The following AP1B1 variants were observed in gnomAD, a reference collection of about 807,000 sequenced individuals.
The protein encoded by AP1B1 is AP-1 complex subunit beta-1.
A neutral mutation model predicts 104.3 loss-of-function variants in AP1B1; 36 were observed. The ratio of observed to expected loss-of-function variants is 0.35; its 90% CI spans 0.26 to 0.46. AP1B1 has a LOEUF of 0.46. AP1B1 is among the 20% of genes least tolerant of loss of function. AP1B1 has a pLI of 1.00. For missense variants in AP1B1, 901 were observed against 1,247.9 expected (o/e 0.72, Z 4.19); for synonymous variants, 504 against 517.5 (o/e 0.97, Z 0.35).
At chr22:29,344,888 A>G (rs1448936907) in intron 11 of AP1B1, among the ~76,000 whole-genome samples, 2 of 152,072 alleles carry the variant, frequency 1.3e-5, no homozygotes, top group African/African-American at 4.8e-5. Flanking sequence ...TCAACAAGAC[A>G]ATATAAAATG....
Position 29,328,829 on chromosome 22 carries a change from T to C in AP1B1, c.2842A>G (p.Lys948Glu). 6.2e-7 allele frequency: 1 copy of C among 1,606,812 alleles called. No individual in the cohort carries two copies. The highest frequency in any genetic ancestry group is 8.5e-7 in the Non-Finnish European group (1 of 1,178,404). The stretch of plus-strand genomic sequence containing the variant: ...GGGCGCTGGCCGGGGTCTCAGTTCT[T>C]GAGGATGGTCTCGTAGGCCTGGTAC... ...HVYQAYETIL[K>E]N Residue 948 changes from lysine (K) to glutamate (E), a missense_variant, in exon 23 of 23, where the codon AAG becomes GAG. This residue lies in a region of AP1B1 where 424 missense variants were observed against 494.0 expected (regional missense o/e 0.86). Transcript: ENST00000357586. This position sits in a 1 kb window ranked among gnomAD's most constrained non-coding sequence, Gnocchi z 4.1.
At chr22:29,368,250 A>T (rs2062175034) in intron 1 of AP1B1, among the ~76,000 whole-genome samples, 1 of 152,042 alleles carries the variant, frequency 6.6e-6, no homozygotes, top group East Asian at 1.9e-4. Flanking sequence ...GTAAGCTGAG[A>T]CCACACCACT....
chr22:29,358,950 G>A lies in AP1B1; in HGVS notation c.301C>T (p.Leu101Phe). 1 of 1,611,076 alleles carries A rather than the reference G, an allele frequency of 6.2e-7. No homozygotes were observed. Among genetic ancestry groups the A allele is most frequent in the Non-Finnish European group, 8.5e-7 (1 of 1,179,088 alleles). The change falls in exon 5 of 23, where the codon CTC (leucine) becomes TTC (phenylalanine). Residue 101 changes from leucine to phenylalanine, a missense_variant. Physicochemically the swap from Leu to Phe is conservative, Grantham distance 22 (BLOSUM62 0). This residue lies in a region of AP1B1 where 471 missense variants were observed against 696.7 expected (regional missense o/e 0.68). Transcript: ENST00000357586. The stretch of plus-strand genomic sequence containing the variant: ...GTCCGCACTGCCAGGGCTCGGATGA[G>A]GGGGTTGGGGTCCTCACAGTCCTGG... ...FVKDCEDPNP[L>F]IRALAVRTMG...
chr22:29,368,158 C>A (rs1486992322), intron 1 of AP1B1, among the ~76,000 whole-genome samples: 2 of 152,072 alleles, frequency 1.3e-5, no homozygotes. Context: ...ATTAGCCAGG[C>A]GTGGTAGTGT....
At chr22:29,372,080 G>A (rs1347497885) in intron 1 of AP1B1, among the ~76,000 whole-genome samples, 1 of 152,126 alleles carries the variant, frequency 6.6e-6, no homozygotes, top group Non-Finnish European at 1.5e-5. Flanking sequence ...TGACTTTGAT[G>A]TCACATCCCA....
At chr22:29,332,113 AAG>A (rs2061570862) in intron 17 of AP1B1, 197 bp from the exon 18 acceptor site, 1 of 550,416 alleles carries the variant, frequency 1.8e-6, no homozygotes, top group East Asian at 3.1e-5. Context: ...GACAGAAAGA[AAG>A]AGCCCCAGGC....
Position 29,349,296 on chromosome 22 carries a change from G to A in AP1B1, c.1359C>T (p.Gly453=), listed in dbSNP as rs201186929. 124 of 1,613,908 alleles carry A rather than the reference G, an allele frequency of 7.7e-5. No individual in the cohort carries two copies. Among genetic ancestry groups the A allele is most frequent in the Admixed American group, 1.2e-4 (7 of 60,006 alleles). The part of the protein sequence containing the change: ...EARAAMIWIV[G]EYAERIDNAD... The stretch of plus-strand genomic sequence containing the variant: ...CGTTGTCGATCCGTTCCGCGTACTC[G>A]CCCACAATCCAGATCATGGCAGCCC... The change falls in exon 11 of 23, where the codon GGC becomes GGT. Residue 453 remains glycine, a synonymous_variant. Coordinates refer to ENST00000357586, the MANE Select transcript of AP1B1 (RefSeq NM_001127.4).
intron 3 of AP1B1, among the ~76,000 whole-genome samples, chr22:29,360,704 A>G (rs1368012592): frequency 2.6e-5 from 4 of 152,214 alleles, no homozygotes; most frequent in East Asian, 1.9e-4. Flanking sequence ...GCCTGGAGGA[A>G]TCAGGTCTGA....
chr22:29,330,055 C>G, intron 21 of AP1B1: 1 of 1,409,286 alleles, frequency 7.1e-7, no homozygotes, highest in Non-Finnish European at 9.2e-7. Context: ...TGCAGGCACT[C>G]ACAGGACAGG....
chr22:29,379,419 G>C (rs1271058771), intron 1 of AP1B1, among the ~76,000 whole-genome samples: 1 of 152,148 alleles, frequency 6.6e-6, no homozygotes, highest in Admixed American at 6.5e-5. Context: ...AGGAGAAAGA[G>C]GCCAGAGACT....
chr22:29,327,886 A>C lies in AP1B1; in HGVS notation c.*935T>G, dbSNP rs1423872506. On this transcript the variant is annotated 3_prime_UTR_variant, in exon 23 of 23. Transcript: ENST00000357586. Reference sequence around the variant, plus strand: ...AAAAGCCGAATCTTTCTTTATTATTACACAGCAGTAACAGGAAAACCTAAT... The same window carrying C: ...AAAAGCCGAATCTTTCTTTATTATTCCACAGCAGTAACAGGAAAACCTAAT... 6.6e-6 allele frequency: 1 copy of C among 152,372 alleles called. No individual in the cohort carries two copies. The highest frequency in any genetic ancestry group is 2.4e-5 in the African/African-American group (1 of 41,412). 9.4% of individuals were successfully genotyped at this position (152,372 alleles called of 1,614,324 possible). A position where few individuals can be genotyped will look rare whatever the true frequency, so the allele number is the denominator to read the frequency against.
At chr22:29,359,154 G>T (rs1275895821) in intron 4 of AP1B1, among the ~76,000 whole-genome samples, 183 bp from the exon 5 acceptor site, 1 of 152,200 alleles carries the variant, frequency 6.6e-6, no homozygotes, top group Non-Finnish European at 1.5e-5. Flanking sequence ...ACCCATGCCA[G>T]CTCTGCACAC....
At chr22:29,362,028 G>A (rs1456999716) in intron 3 of AP1B1, among the ~76,000 whole-genome samples, 5 of 152,034 alleles carry the variant, frequency 3.3e-5, no homozygotes, top group Non-Finnish European at 5.9e-5. Context: ...TCCTGACCTC[G>A]TGATCCACCC....
chr22:29,349,274 T>C lies in AP1B1; in HGVS notation c.1381A>G (p.Asn461Asp). The change falls in exon 11 of 23, where the codon AAC becomes GAC. Residue 461 changes from asparagine (N) to aspartate (D), a missense_variant. Asn to Asp is a conservative substitution (Grantham distance 23, BLOSUM62 1). This residue lies in a region of AP1B1 where 471 missense variants were observed against 696.7 expected (regional missense o/e 0.68). Coordinates refer to ENST00000357586, the MANE Select transcript of AP1B1 (RefSeq NM_001127.4). ...IVGEYAERID[N>D]ADELLESFLE... ...AAGCTCTCCAGCAGCTCATCTGCGT[T>C]GTCGATCCGTTCCGCGTACTCGCCC... The C allele has an allele frequency of 6.2e-7, 1 of 1,614,064 alleles. No homozygotes were observed. Among genetic ancestry groups the C allele is most frequent in the Non-Finnish European group, 8.5e-7 (1 of 1,180,040 alleles).
intron 1 of AP1B1, among the ~76,000 whole-genome samples, chr22:29,381,572 G>A (rs1397135423): frequency 6.6e-6 from 1 of 152,198 alleles, no homozygotes; most frequent in Non-Finnish European, 1.5e-5. Flanking sequence ...TGCTCTGATT[G>A]TCAAGCTATT....
intron 11 of AP1B1, 109 bp downstream of exon 11, chr22:29,349,109 T>G: frequency 1.5e-6 from 2 of 1,318,198 alleles, no homozygotes; most frequent in Non-Finnish European, 2.1e-6. Context: ...CATCTGTCTG[T>G]CAGGGCTGTT....
chr22:29,331,737 C>T (rs749731994), intron 18 of AP1B1, 50 bp downstream of exon 18: 23 of 1,613,918 alleles, frequency 1.4e-5, no homozygotes, highest in Admixed American at 5.0e-5. Flanking sequence ...CAGTGGGGCC[C>T]GGCTGGTAGG....
At chr22:29,375,097 T>A (rs548459146) in intron 1 of AP1B1, among the ~76,000 whole-genome samples, 7 of 152,334 alleles carry the variant, frequency 4.6e-5, no homozygotes, top group Admixed American at 3.9e-4. Flanking sequence ...ATGCCTGTGA[T>A]CCCAGCACTT....
intron 1 of AP1B1, among the ~76,000 whole-genome samples, chr22:29,374,551 C>T (rs998951810): frequency 2.2e-5 from 3 of 135,856 alleles, no homozygotes; most frequent in Non-Finnish European, 3.2e-5. Context: ...CTAAGAGACA[C>T]AGAAACTGAA....
Sources: allele counts gnomAD v4.1 joint callset (sites outside exome capture counted in the v4.1 genomes callset), GRCh38; gene constraint gnomAD v4.1.1; regional missense constraint gnomAD v4.1.1; non-coding constraint Gnocchi (gnomAD v3.1); transcripts MANE v1.5; gene names NCBI Gene and HGNC (gene_info 2026-07-23, HGNC 2026-07-21).